Variants in SEMA5A observed in about 807,000 individuals in gnomAD.
The protein encoded by SEMA5A is semaphorin-5A.
A neutral mutation model predicts 135.5 loss-of-function variants in SEMA5A; 55 were observed. That is an observed-to-expected ratio of 0.41 (90% CI 0.33 to 0.51). The LOEUF (loss-of-function observed/expected upper bound fraction) is 0.51, where lower values mean the gene tolerates loss of function less well. SEMA5A is among the 20% of genes least tolerant of loss of function. SEMA5A has a pLI of 0.37. For missense variants in SEMA5A, 1,290 were observed against 1,419.9 expected, an observed-to-expected ratio of 0.91 and a Z score of 1.47; for synonymous variants, 580 against 546.5, an observed-to-expected ratio of 1.06 and a Z score of -0.85.
At chr5:9,387,533 C>G (rs40723) in intron 2 of SEMA5A, among the ~76,000 whole-genome samples, 35,115 of 152,110 alleles carry the variant, frequency 0.23, 4,399 homozygotes, top group Middle Eastern at 0.29. Context: ...TAGAGACTGT[C>G]ATCTTTAAAG....
chr5:9,161,257 T>TA (rs1743238829), intron 11 of SEMA5A, among the ~76,000 whole-genome samples: 1 of 152,040 alleles, frequency 6.6e-6, no homozygotes, highest in Non-Finnish European at 1.5e-5. Context: ...ACGCGGGAAC[T>TA]GGGGAAGCAG....
chr5:9,347,245 G>A (rs1579385879), intron 3 of SEMA5A, among the ~76,000 whole-genome samples: 1 of 152,198 alleles, frequency 6.6e-6, no homozygotes, highest in African/African-American at 2.4e-5. Flanking sequence ...ATTGCAGTCT[G>A]TTGAAAGTGA....
intron 13 of SEMA5A, among the ~76,000 whole-genome samples, chr5:9,130,385 C>T (rs1018014937): frequency 6.6e-6 from 1 of 152,132 alleles, no homozygotes; most frequent in Non-Finnish European, 1.5e-5. Context: ...AGATATGCTC[C>T]TCGGGAAAGC....
Position 9,037,264 on chromosome 5 carries a change from C to T in SEMA5A, c.*5633G>A, listed in dbSNP as rs1221976598. 4 of 152,142 alleles carry T rather than the reference C, an allele frequency of 2.6e-5. No individual in the cohort carries two copies. The highest frequency in any genetic ancestry group is 4.4e-5 in the Non-Finnish European group (3 of 68,026). 9.4% of individuals were successfully genotyped at this position (152,142 alleles called of 1,614,324 possible). ...CTTGAGCAAGAATTGATATTGACTCCGATTGCAGGGAGTAAGCTTGATTGC... is the reference window on the plus strand; with the variant it reads ...CTTGAGCAAGAATTGATATTGACTCTGATTGCAGGGAGTAAGCTTGATTGC... On this transcript the variant is annotated 3_prime_UTR_variant, in exon 23 of 23. Coordinates refer to ENST00000382496, the MANE Select transcript of SEMA5A (RefSeq NM_003966.3).
intron 13 of SEMA5A, among the ~76,000 whole-genome samples, chr5:9,127,098 T>C (rs1404300275): frequency 6.6e-6 from 1 of 152,224 alleles, no homozygotes; most frequent in Non-Finnish European, 1.5e-5. Context: ...CACAGTTATC[T>C]TGGCATTGGT....
chr5:9,274,022 C>T (rs1750124902), intron 5 of SEMA5A, among the ~76,000 whole-genome samples: 1 of 152,012 alleles, frequency 6.6e-6, no homozygotes, highest in South Asian at 2.1e-4. Flanking sequence ...GTTAAATGCC[C>T]CAATTAAAAG....
intron 9 of SEMA5A, among the ~76,000 whole-genome samples, chr5:9,201,394 C>G (rs1414896781): frequency 6.6e-6 from 1 of 152,140 alleles, no homozygotes; most frequent in African/African-American, 2.4e-5. Flanking sequence ...ACAAAAAATA[C>G]TATAATTTTT....
intron 11 of SEMA5A, among the ~76,000 whole-genome samples, chr5:9,180,600 T>C (rs1406430344): frequency 6.6e-6 from 1 of 152,134 alleles, no homozygotes; most frequent in Non-Finnish European, 1.5e-5. Context: ...TTGAGTGAGA[T>C]AATTCTCAGG....
chr5:9,323,656 CCTTT>C (rs1219811166), intron 4 of SEMA5A, among the ~76,000 whole-genome samples: 1 of 137,508 alleles, frequency 7.3e-6, no homozygotes, highest in Non-Finnish European at 1.5e-5. Context: ...TTCTTTTTTT[CCTTT>C]TTTTTTTTTT....
chr5:9,444,809 C>A (rs268527), intron 1 of SEMA5A, among the ~76,000 whole-genome samples: 144,533 of 152,206 alleles, frequency 0.95, 68,742 homozygotes, highest in African/African-American at 0.98. Flanking sequence ...CATCTCTTAA[C>A]GGTTTTTCTT....
intron 1 of SEMA5A, among the ~76,000 whole-genome samples, chr5:9,539,964 G>T (rs1737986784): frequency 6.6e-6 from 1 of 152,186 alleles, no homozygotes; most frequent in Non-Finnish European, 1.5e-5. Context: ...TAAAAAATCA[G>T]TTTGGAGGCA....
chr5:9,192,975 C>T (rs866574111), intron 10 of SEMA5A, among the ~76,000 whole-genome samples: 7 of 152,054 alleles, frequency 4.6e-5, no homozygotes, highest in Non-Finnish European at 7.4e-5. Context: ...AGGGAGTTCT[C>T]GGTGGCAGGG....
At chr5:9,183,267 G>T (rs575629208) in intron 11 of SEMA5A, among the ~76,000 whole-genome samples, 1 of 152,130 alleles carries the variant, frequency 6.6e-6, no homozygotes, top group African/African-American at 2.4e-5. Flanking sequence ...TTGGACAGCC[G>T]CCTGGAGGTG....
At chr5:9,077,640 G>T (rs193121024) in intron 16 of SEMA5A, among the ~76,000 whole-genome samples, 1 of 152,102 alleles carries the variant, frequency 6.6e-6, no homozygotes, top group African/African-American at 2.4e-5. Flanking sequence ...TTGCAAGGCG[G>T]TCTCCCAAGC....
chr5:9,129,170 G>T (rs1741272561), intron 13 of SEMA5A, among the ~76,000 whole-genome samples: 1 of 152,204 alleles, frequency 6.6e-6, no homozygotes, highest in South Asian at 2.1e-4. Flanking sequence ...TGAAATAAGT[G>T]ATGGCTAATG....
At chr5:9,493,293 CTA>C (rs1735126193) in intron 1 of SEMA5A, among the ~76,000 whole-genome samples, 2 of 150,104 alleles carry the variant, frequency 1.3e-5, no homozygotes, top group African/African-American at 4.9e-5. Context: ...ATCTATCTAT[CTA>C]TCTATATATA....
chr5:9,507,239 T>A lies in SEMA5A; in HGVS notation c.-175+38345A>T, dbSNP rs372096091. 2.1e-4 allele frequency among the ~76,000 whole-genome samples: 32 copies of A among 152,300 alleles called. 1 individual carries two copies. The South Asian group carries it at 6.6e-3, about 32-fold the overall frequency. On this transcript the variant is annotated intron_variant, in intron 1 of 22. Coordinates refer to ENST00000382496, the MANE Select transcript of SEMA5A (RefSeq NM_003966.3). ...AAATAGTGGGTGTGTATCTCCATTA[T>A]CTTCAAGTCACTTTCAGGTTAAAAC...
At chr5:9,479,674 T>A (rs934270347) in intron 1 of SEMA5A, among the ~76,000 whole-genome samples, 1 of 152,200 alleles carries the variant, frequency 6.6e-6, no homozygotes, top group African/African-American at 2.4e-5. Flanking sequence ...AAAATCTTCT[T>A]CGGGTATTAA....
chr5:9,221,493 G>A lies in SEMA5A; in HGVS notation c.646+3181C>T, dbSNP rs185720600. 5.5e-3 allele frequency among the ~76,000 whole-genome samples: 824 copies of A among 149,252 alleles called. 8 individuals are homozygous for A. The highest frequency in any genetic ancestry group is 0.012 in the African/African-American group (490 of 40,972). On this transcript the variant is annotated intron_variant, in intron 8 of 22. Coordinates refer to ENST00000382496, the MANE Select transcript of SEMA5A (RefSeq NM_003966.3). ...AATTTTTTCTATTTTTAGTAGAGAC[G>A]GGGTTTCACAGTGTTAGCCAGGATG... is the stretch of plus-strand genomic sequence containing the variant.
Sources: gnomAD v4.1 joint callset for allele counts (sites outside exome capture counted in the v4.1 genomes callset) on GRCh38, gnomAD v4.1.1 for gene constraint, MANE v1.5 for transcripts, NCBI Gene and HGNC (gene_info 2026-07-23, HGNC 2026-07-21) for gene names.